The following SPMAP2L variants were observed in gnomAD, a reference collection of about 807,000 sequenced individuals.
SPMAP2L encodes sperm microtubule associated protein 2-like.
chr4:56,567,848 G>C, the SPMAP2L span, among the ~76,000 whole-genome samples: 3 of 151,686 alleles, frequency 2.0e-5, no homozygotes, highest in African/African-American at 7.3e-5. Context: ...TGTTTCTTCT[G>C]TTTGGGGTTC....
the SPMAP2L span, among the ~76,000 whole-genome samples, chr4:56,616,031 A>C: frequency 6.6e-6 from 1 of 152,190 alleles, no homozygotes; most frequent in East Asian, 1.9e-4. Context: ...TTGGGGCTTG[A>C]GAGTGAGCAT....
the SPMAP2L span, among the ~76,000 whole-genome samples, chr4:56,595,871 A>C: frequency 6.6e-6 from 1 of 152,218 alleles, no homozygotes; most frequent in Non-Finnish European, 1.5e-5. Context: ...AAATGTAAAT[A>C]CAGTACCTGG....
the SPMAP2L span, among the ~76,000 whole-genome samples, chr4:56,583,113 A>G: frequency 6.6e-6 from 1 of 152,042 alleles, no homozygotes; most frequent in Non-Finnish European, 1.5e-5. Context: ...TCTCTACTAA[A>G]AAATACAAAA....
At chr4:56,621,949 T>C in the SPMAP2L span, among the ~76,000 whole-genome samples, 1 of 152,178 alleles carries the variant, frequency 6.6e-6, no homozygotes, top group African/African-American at 2.4e-5. Context: ...ACCCATAGAA[T>C]ATACACCACA....
At chr4:56,588,325 C>G in the SPMAP2L span, among the ~76,000 whole-genome samples, 1 of 152,108 alleles carries the variant, frequency 6.6e-6, no homozygotes, top group Non-Finnish European at 1.5e-5. Context: ...TTAATTAAGT[C>G]TCAGCTATTT....
chr4:56,577,833 A>C, the SPMAP2L span, among the ~76,000 whole-genome samples: 1 of 152,086 alleles, frequency 6.6e-6, no homozygotes, highest in Non-Finnish European at 1.5e-5. Flanking sequence ...AAAAACAAAA[A>C]ATTTATTGGG....
At chr4:56,568,400 C>T in the SPMAP2L span, among the ~76,000 whole-genome samples, 1 of 151,962 alleles carries the variant, frequency 6.6e-6, no homozygotes, top group African/African-American at 2.4e-5. Context: ...TTTTTGTATT[C>T]CTATAAATAT....
the SPMAP2L span, among the ~76,000 whole-genome samples, chr4:56,618,743 A>G: frequency 2.0e-5 from 3 of 152,222 alleles, no homozygotes; most frequent in Non-Finnish European, 2.9e-5. Context: ...AACCATGTCA[A>G]AAGGCTTGCT....
chr4:56,620,331 TG>T, the SPMAP2L span, among the ~76,000 whole-genome samples: 1 of 151,964 alleles, frequency 6.6e-6, no homozygotes, highest in Admixed American at 6.6e-5. Flanking sequence ...TTGGTTTATT[TG>T]GATGATAAGA....
chr4:56,568,801 G>C, the SPMAP2L span, among the ~76,000 whole-genome samples: 37 of 152,298 alleles, frequency 2.4e-4, no homozygotes, highest in South Asian at 7.5e-3. Context: ...CTCATTAGCA[G>C]TCAGTTCTTA....
chr4:56,579,573 C>A, the SPMAP2L span, among the ~76,000 whole-genome samples: 2 of 151,806 alleles, frequency 1.3e-5, no homozygotes, highest in Non-Finnish European at 2.9e-5. Flanking sequence ...AGTTTGAGAC[C>A]AGCCTGGGCA....
the SPMAP2L span, among the ~76,000 whole-genome samples, chr4:56,615,533 G>A: frequency 2.0e-5 from 3 of 152,110 alleles, no homozygotes; most frequent in Non-Finnish European, 4.4e-5. Context: ...GATCACCTAA[G>A]GTCAGGAGTT....
At chr4:56,590,027 C>T in the SPMAP2L span, among the ~76,000 whole-genome samples, 6 of 152,058 alleles carry the variant, frequency 3.9e-5, no homozygotes, top group Non-Finnish European at 8.8e-5. Flanking sequence ...TGTCTGATTG[C>T]TTTGGCTAGG....
the SPMAP2L span, among the ~76,000 whole-genome samples, chr4:56,564,140 T>G: frequency 1.3e-5 from 2 of 151,580 alleles, no homozygotes; most frequent in South Asian, 4.2e-4. Context: ...GGAATTTTTT[T>G]TTTTTTTTTT....
At chr4:56,595,209 T>C in the SPMAP2L span, 1 of 1,611,510 alleles carries the variant, frequency 6.2e-7, no homozygotes, top group South Asian at 1.1e-5. Context: ...ACAGAATTCT[T>C]TTCAGGGGTG....
the SPMAP2L span, among the ~76,000 whole-genome samples, chr4:56,563,761 T>C: frequency 6.6e-6 from 1 of 152,206 alleles, no homozygotes; most frequent in Admixed American, 6.5e-5. Context: ...AAAGCATCCA[T>C]AGACATTATG....
the SPMAP2L span, among the ~76,000 whole-genome samples, chr4:56,553,648 T>C: frequency 6.6e-6 from 1 of 152,110 alleles, no homozygotes; most frequent in Non-Finnish European, 1.5e-5. Flanking sequence ...TGTGGTACAA[T>C]TGTTAAAATT....
At chr4:56,587,637 A>G in the SPMAP2L span, among the ~76,000 whole-genome samples, 1 of 152,180 alleles carries the variant, frequency 6.6e-6, no homozygotes, top group East Asian at 1.9e-4. Flanking sequence ...GTCACTGCAA[A>G]TGCTATTAAT....
chr4:56,570,454 T>A, the SPMAP2L span, among the ~76,000 whole-genome samples: 1 of 152,190 alleles, frequency 6.6e-6, no homozygotes, highest in Non-Finnish European at 1.5e-5. Flanking sequence ...TACAAAGCTG[T>A]GCAGCGTGTT....
Sources: gnomAD v4.1 joint callset for allele counts (sites outside exome capture counted in the v4.1 genomes callset) on GRCh38, gnomAD v4.1.1 for gene constraint, MANE v1.5 for transcripts, NCBI Gene and HGNC (gene_info 2026-07-23, HGNC 2026-07-21) for gene names.